SLC39A14: variants seen among roughly 807,000 people sequenced by gnomAD.
SLC39A14 encodes metal cation symporter ZIP14.
A neutral mutation model predicts 45.5 loss-of-function variants in SLC39A14; 19 were observed. That is an observed-to-expected ratio of 0.42 (90% CI 0.29 to 0.61). SLC39A14 has a LOEUF of 0.61. Among genes scored for constraint, SLC39A14 ranks in the 20% least tolerant of loss-of-function variants. SLC39A14 has a pLI of 0.22. For synonymous variants in SLC39A14, 264 were observed against 251.3 expected, an observed-to-expected ratio of 1.05 and a Z score of -0.48; for missense variants, 447 against 616.5, an observed-to-expected ratio of 0.73 and a Z score of 2.91.
In SLC39A14 at chr8:22,377,924, C is replaced by G. The variant is rs543988449; in HGVS notation, c.-16+10516C>G. Among the ~76,000 whole-genome samples the G allele has an allele frequency of 8.5e-5, 13 of 152,336 alleles. No individual in the cohort carries two copies. In the South Asian group the frequency reaches 2.3e-3, roughly 27 times the overall value. ...GGATCTGTGCCCGCTCGGCTATGCT[C>G]TCCCTCTCTGCAGTTCACAACTCTC... On this transcript the variant is annotated intron_variant, in intron 1 of 8. Coordinates refer to ENST00000381237, the MANE Select transcript of SLC39A14 (RefSeq NM_001128431.4).
intron 1 of SLC39A14, among the ~76,000 whole-genome samples, chr8:22,377,454 C>T (rs1247995681): frequency 6.6e-6 from 1 of 152,170 alleles, no homozygotes; most frequent in Non-Finnish European, 1.5e-5. Flanking sequence ...ATTGCTACAG[C>T]AGTTATCATT....
chr8:22,426,327 TG>T (rs1039069093), downstream of SLC39A14, among the ~76,000 whole-genome samples: 4 of 152,102 alleles, frequency 2.6e-5, no homozygotes, highest in African/African-American at 9.7e-5. Flanking sequence ...CCCAATTAGC[TG>T]GGGGTACAGG....
At chr8:22,402,383 TC>T (rs1834925506) in intron 1 of SLC39A14, among the ~76,000 whole-genome samples, 1 of 150,962 alleles carries the variant, frequency 6.6e-6, no homozygotes, top group African/African-American at 2.4e-5. Context: ...AGACTCCGTC[TC>T]AAAAAGAAAA....
In SLC39A14 at chr8:22,421,934, C is replaced by T; in HGVS notation, c.*2236C>T. On this transcript the variant is annotated 3_prime_UTR_variant, in exon 9 of 9. Coordinates refer to ENST00000381237, the MANE Select transcript of SLC39A14 (RefSeq NM_001128431.4). ...ATAGACAGCTGCCTCAAAGGGAAAT[C>T]CTCTTTAAACCGTAGTTGGCGCAGA... 1 of 985,418 alleles carries T rather than the reference C, an allele frequency of 1.0e-6. No individual in the cohort carries two copies. The highest frequency in any genetic ancestry group is 1.2e-6 in the Non-Finnish European group (1 of 829,920). 61.0% of individuals were successfully genotyped at this position (985,418 alleles called of 1,614,324 possible).
chr8:22,409,932 T>C (rs918964450), intron 3 of SLC39A14: 10 of 1,613,654 alleles, frequency 6.2e-6, no homozygotes, highest in Non-Finnish European at 8.5e-6. Flanking sequence ...TCGTCTGTTC[T>C]TGTTCCTCCA....
downstream of SLC39A14, among the ~76,000 whole-genome samples, chr8:22,426,640 C>G (rs544504138): frequency 1.1e-4 from 16 of 152,262 alleles, no homozygotes; most frequent in African/African-American, 3.6e-4. Context: ...AGAGGAGGCT[C>G]CTGAACAAGG....
intron 5 of SLC39A14, chr8:22,415,529 C>A: frequency 4.5e-6 from 2 of 442,906 alleles, no homozygotes; most frequent in South Asian, 6.2e-5. Context: ...CTTCTCAGCT[C>A]AAGCAGTCCT....
chr8:22,383,861 A>G (rs895472841), intron 1 of SLC39A14, among the ~76,000 whole-genome samples: 39 of 152,044 alleles, frequency 2.6e-4, no homozygotes, highest in Non-Finnish European at 5.0e-4. Context: ...GGGCTGGGTA[A>G]TTCTCAGGAT....
chr8:22,427,483 T>C (rs1025856751), downstream of SLC39A14, among the ~76,000 whole-genome samples: 1 of 152,188 alleles, frequency 6.6e-6, no homozygotes, highest in Non-Finnish European at 1.5e-5. Context: ...AAATAAAGGA[T>C]TAGGTCTTTA....
At chr8:22,425,588 G>C (rs966692182), downstream of SLC39A14, among the ~76,000 whole-genome samples, 4 of 151,680 alleles carry the variant, frequency 2.6e-5, no homozygotes, top group African/African-American at 9.7e-5. Flanking sequence ...GCGATCCACA[G>C]GTCCTTTATC....
chr8:22,372,425 T>G (rs928797320), intron 1 of SLC39A14, among the ~76,000 whole-genome samples: 1 of 152,224 alleles, frequency 6.6e-6, no homozygotes, highest in Non-Finnish European at 1.5e-5. Context: ...GCATTCTCTG[T>G]CATAGCTGTG....
At position 22,433,890 on chromosome 8, in the gene SLC39A14, G is replaced by T; in HGVS notation, c.1333-1G>T. 2.8e-6 allele frequency: 1 copy of T among 354,658 alleles called. No homozygotes were observed. Among genetic ancestry groups the T allele is most frequent in the Non-Finnish European group, 5.6e-6 (1 of 177,190 alleles). 22.0% of individuals were successfully genotyped at this position (354,658 alleles called of 1,614,324 possible). On this transcript the variant is annotated splice_acceptor_variant, in intron 8 of 8. Coordinates refer to the SLC39A14 transcript ENST00000240095. LOFTEE classifies it high-confidence loss of function. ...TTATGTTTTTGTTTTTGTTTTTTTA[G>T]ATGGAGTTTTGCTCTGTTGCCCAGG... is the stretch of plus-strand genomic sequence containing the variant.
In SLC39A14 at chr8:22,404,854, A is replaced by G. The variant is rs1200632359; in HGVS notation, c.144A>G (p.Ile48Met). The G allele has an allele frequency of 6.2e-7, 1 of 1,614,184 alleles. No individual in the cohort carries two copies. The highest frequency in any genetic ancestry group is 2.2e-5 in the East Asian group (1 of 44,882). ...CTGCCTCCTTCCTGCAGGATCTAAT[A>G]CATCGGTATGGCGAGGGTGACAGCC... ...ISAASFLQDL[I>M]HRYGEGDSLT... is the part of the protein sequence containing the mutation. Residue 48 changes from isoleucine to methionine, a missense_variant, in exon 2 of 9, where the codon ATA (isoleucine) becomes ATG (methionine). Ile to Met is a conservative substitution (Grantham distance 10). This residue lies in a region of SLC39A14 where 342 missense variants were observed against 428.1 expected (regional missense o/e 0.80). Coordinates refer to ENST00000381237, the MANE Select transcript of SLC39A14 (RefSeq NM_001128431.4).
intron 1 of SLC39A14, among the ~76,000 whole-genome samples, chr8:22,389,114 G>A (rs922033670): frequency 9.2e-5 from 14 of 152,168 alleles, no homozygotes; most frequent in South Asian, 2.1e-4. Flanking sequence ...ATGAAAAAGC[G>A]CTGGCTCTGC....
intron 1 of SLC39A14, among the ~76,000 whole-genome samples, chr8:22,387,998 A>T (rs1165431733): frequency 6.6e-6 from 1 of 152,182 alleles, no homozygotes; most frequent in Admixed American, 6.5e-5. Context: ...GGCAGGGGTG[A>T]GGATGTGTCT....
chr8:22,409,921 C>G (rs749720534), intron 3 of SLC39A14: 3 of 1,613,014 alleles, frequency 1.9e-6, no homozygotes, highest in Non-Finnish European at 2.5e-6. Flanking sequence ...AATAGAGGCC[C>G]TCGTCTGTTC....
chr8:22,389,961 C>T, intron 1 of SLC39A14: 1 of 156,282 alleles, frequency 6.4e-6, no homozygotes, highest in Non-Finnish European at 1.4e-5. Context: ...GCTGGCCCTT[C>T]AGTTGAACCT....
At chr8:22,398,664 A>C (rs1834660415) in intron 1 of SLC39A14, 1 of 956,974 alleles carries the variant, frequency 1.0e-6, no homozygotes, top group Non-Finnish European at 1.2e-6. Context: ...CACAGAAGTG[A>C]ATGTTTGCTC....
rs536716230 is a variant in SLC39A14, at chr8:22,397,574, A to AGCGAGACTTTTC, written c.-15-7114_-15-7113insTTTCGCGAGACT. ...GCCTGGGCGAAAGAGCGGGCGAAAG[A>AGCGAGACTTTTC]GCGAGACTCCGTCCCAAAAAAAAAA... On this transcript the variant is annotated intron_variant, in intron 1 of 8. Transcript: ENST00000381237. 2.6e-4 allele frequency among the ~76,000 whole-genome samples: 40 copies of AGCGAGACTTTTC among 151,804 alleles called. No homozygotes were observed. The East Asian group carries it at 7.4e-3, about 28-fold the overall frequency.
Sources: allele counts gnomAD v4.1 joint callset (sites outside exome capture counted in the v4.1 genomes callset), GRCh38; gene constraint gnomAD v4.1.1; regional missense constraint gnomAD v4.1.1; transcripts MANE v1.5; gene names NCBI Gene and HGNC (gene_info 2026-07-23, HGNC 2026-07-21).